DGLUCY: variants seen among roughly 807,000 people sequenced by gnomAD.
DGLUCY encodes D-glutamate cyclase, mitochondrial.
In DGLUCY, 58 loss-of-function variants were observed where a neutral mutation model predicts 58.5. That is an observed-to-expected ratio of 0.99 (90% confidence interval 0.80 to 1.23). The LOEUF (loss-of-function observed/expected upper bound fraction) is 1.23. DGLUCY is among the 50% of genes most tolerant of loss of function. The probability of loss-of-function intolerance (pLI) is 0.00; values close to 1 mark genes in which losing one functional copy is unlikely to be tolerated. For missense variants in DGLUCY, 779 were observed against 784.7 expected (o/e 0.99, Z 0.09); for synonymous variants, 325 against 314.1 (o/e 1.03, Z -0.37).
At chr14:91,146,745 G>A (rs968075466) in intron 1 of DGLUCY, among the ~76,000 whole-genome samples, 16 of 152,310 alleles carry the variant, frequency 1.1e-4, no homozygotes, top group African/African-American at 3.4e-4. Context: ...CAATCTTGAG[G>A]CATAACAACA....
chr14:91,108,495 G>GTGTGT (rs1270332649), intron 1 of DGLUCY, among the ~76,000 whole-genome samples: 1 of 64,644 alleles, frequency 1.5e-5, no homozygotes, highest in Non-Finnish European at 3.5e-5. Context: ...ATTTGTGTGT[G>GTGTGT]TGTGTGTGTG....
chr14:91,069,179 T>G (rs2043875086), intron 1 of DGLUCY, among the ~76,000 whole-genome samples: 1 of 152,248 alleles, frequency 6.6e-6, no homozygotes, highest in African/African-American at 2.4e-5. Flanking sequence ...TAATCATTCT[T>G]TCTAACAAGG....
chr14:91,079,469 TCAGCCTCC>T (rs1450551175), intron 1 of DGLUCY, among the ~76,000 whole-genome samples: 1 of 151,922 alleles, frequency 6.6e-6, no homozygotes, highest in Non-Finnish European at 1.5e-5. Flanking sequence ...TTCTCCTGCC[TCAGCCTCC>T]CAAGTAGCTG....
In DGLUCY at chr14:91,081,202, C is replaced by CA. The variant is rs1242033975; in HGVS notation, c.-82+20508dup. Among the ~76,000 whole-genome samples, 217 of 99,694 alleles carry CA rather than the reference C, an allele frequency of 2.2e-3. 2 individuals carry two copies. The highest frequency in any genetic ancestry group is 6.9e-3 in the Admixed American group (66 of 9,624). The allele number at this position is 99,694 out of a possible 152,430, so 65.4% of individuals were successfully genotyped here. On this transcript the variant is annotated intron_variant, in intron 1 of 4. Transcript: ENST00000521334. ...TGGGCGACAGAGTGAGACTCCGTCT[C>CA]AAAAAAAAAACAAAAAAAAAAGCAT...
chr14:91,199,813 A>C lies in DGLUCY; in HGVS notation c.1352A>C (p.Tyr451Ser), dbSNP rs2050441604. Reference protein sequence around the residue: ...RAGRAADGNYYNARKMNIKHL... With the variant: ...RAGRAADGNYSNARKMNIKHL... ...GGAAGAGCTGCTGATGGCAATTACT[A>C]CAATGCAAGGAAGATGAACATCAAG... Residue 451 changes from tyrosine (Y) to serine (S), a missense_variant, in exon 11 of 14, where the codon TAC becomes TCC. Physicochemically the swap from Tyr to Ser is moderately radical, Grantham distance 144. Transcript: ENST00000256324. 6.2e-7 allele frequency: 1 copy of C among 1,614,030 alleles called. No homozygotes were observed. The highest frequency in any genetic ancestry group is 1.3e-5 in the African/African-American group (1 of 74,906).
At chr14:91,104,374 T>C (rs956092236), upstream of DGLUCY, among the ~76,000 whole-genome samples, 4 of 152,106 alleles carry the variant, frequency 2.6e-5, no homozygotes, top group African/African-American at 9.7e-5. Context: ...GAACATTCTT[T>C]ATTGTTGCAA....
intron 1 of DGLUCY, among the ~76,000 whole-genome samples, chr14:91,137,554 T>A (rs75096403): frequency 1.5e-5 from 1 of 65,570 alleles, no homozygotes; most frequent in Non-Finnish European, 3.5e-5. Context: ...CCTGGCTAAT[T>A]TTTTTTTTTT....
intron 3 of DGLUCY, among the ~76,000 whole-genome samples, chr14:91,166,260 A>C (rs189148095): frequency 6.6e-6 from 1 of 152,210 alleles, no homozygotes; most frequent in Admixed American, 6.5e-5. Context: ...AGCATTACCT[A>C]CACTTTTTTG....
intron 8 of DGLUCY, chr14:91,185,549 CA>C (rs1292041462): frequency 6.6e-6 from 1 of 151,700 alleles, no homozygotes; most frequent in Non-Finnish European, 1.5e-5. Context: ...AGATTACAGG[CA>C]TGAGCCACCG....
intron 3 of DGLUCY, among the ~76,000 whole-genome samples, chr14:91,164,103 C>T (rs555265429): frequency 1.3e-5 from 2 of 152,112 alleles, no homozygotes; most frequent in Non-Finnish European, 2.9e-5. Context: ...GCACGTGCCA[C>T]CATGCCTGGC....
intron 1 of DGLUCY, among the ~76,000 whole-genome samples, chr14:91,129,324 G>C (rs1314208634): frequency 6.6e-6 from 1 of 152,006 alleles, no homozygotes; most frequent in Non-Finnish European, 1.5e-5. Flanking sequence ...TCTACCTGAG[G>C]GAAATTACAG....
At chr14:91,110,890 A>C (rs1481967418), upstream of DGLUCY, among the ~76,000 whole-genome samples, 1 of 152,188 alleles carries the variant, frequency 6.6e-6, no homozygotes, top group Non-Finnish European at 1.5e-5. Context: ...TCTTCATTTC[A>C]GTAACTCCTC....
intron 8 of DGLUCY, among the ~76,000 whole-genome samples, chr14:91,185,803 A>G (rs1180440557): frequency 6.6e-6 from 1 of 152,146 alleles, no homozygotes; most frequent in African/African-American, 2.4e-5. Flanking sequence ...AACACCACCC[A>G]TCAATGCTGT....
chr14:91,217,696 G>T (rs1471430299), intron 13 of DGLUCY, among the ~76,000 whole-genome samples: 1 of 151,524 alleles, frequency 6.6e-6, no homozygotes, highest in East Asian at 1.9e-4. Flanking sequence ...CCAAGTTGGC[G>T]AGGCTGGTCT....
chr14:91,165,289 C>T (rs925798510), intron 3 of DGLUCY: 12 of 456,000 alleles, frequency 2.6e-5, no homozygotes, highest in Non-Finnish European at 3.5e-5. Flanking sequence ...TCCTGAACAC[C>T]GAGGTGCTCA....
intron 1 of DGLUCY, among the ~76,000 whole-genome samples, chr14:91,066,697 A>C (rs2043828059): frequency 6.6e-6 from 1 of 152,234 alleles, no homozygotes; most frequent in Admixed American, 6.5e-5. Flanking sequence ...TATTAAAATA[A>C]ATACAATGAA....
intron 1 of DGLUCY, among the ~76,000 whole-genome samples, chr14:91,068,013 G>T (rs1466449632): frequency 6.6e-6 from 1 of 151,614 alleles, no homozygotes; most frequent in African/African-American, 2.4e-5. Flanking sequence ...AAGTTGACAT[G>T]TCACCACAGT....
chr14:91,216,918 A>G (rs537642119), intron 13 of DGLUCY, among the ~76,000 whole-genome samples: 1 of 152,234 alleles, frequency 6.6e-6, no homozygotes, highest in Non-Finnish European at 1.5e-5. Context: ...AGAGGTGGCC[A>G]GCGCGCAGCA....
intron 1 of DGLUCY, among the ~76,000 whole-genome samples, chr14:91,123,709 C>T (rs1471065666): frequency 1.3e-5 from 2 of 151,858 alleles, no homozygotes; most frequent in East Asian, 3.9e-4. Flanking sequence ...ACCTCAGCTT[C>T]CCAGGTAGCT....
Sources: gnomAD v4.1 joint callset for allele counts (sites outside exome capture counted in the v4.1 genomes callset) on GRCh38, gnomAD v4.1.1 for gene constraint, MANE v1.5 for transcripts, NCBI Gene and HGNC (gene_info 2026-07-23, HGNC 2026-07-21) for gene names.